Variants in AKT3 observed in about 807,000 individuals in gnomAD.
AKT3 encodes RAC-gamma serine/threonine-protein kinase.
A neutral mutation model predicts 65.3 loss-of-function variants in AKT3; 15 were observed. That is an observed-to-expected ratio of 0.23 (90% confidence interval 0.15 to 0.35). The LOEUF is 0.35. Ranked by LOEUF, AKT3 falls within the 10% of genes least tolerant of loss-of-function variation. AKT3 has a pLI of 1.00. For synonymous variants in AKT3, 206 were observed against 183.8 expected (o/e 1.12, Z -0.98); for missense variants, 243 against 576.5 (o/e 0.42, Z 5.92).
At chr1:243,745,257 T>C (rs1447321971) in intron 2 of AKT3, among the ~76,000 whole-genome samples, 1 of 152,066 alleles carries the variant, frequency 6.6e-6, no homozygotes, top group Non-Finnish European at 1.5e-5. Context: ...GAAGGATTAC[T>C]TGAGCCCAGG....
intron 2 of AKT3, among the ~76,000 whole-genome samples, chr1:243,767,669 T>C (rs932875772): frequency 1.5e-4 from 23 of 152,218 alleles, no homozygotes; most frequent in African/African-American, 5.5e-4. Flanking sequence ...TGATACAGTA[T>C]CTGAGATTTG....
intron 8 of AKT3, among the ~76,000 whole-genome samples, chr1:243,592,185 A>T (rs552132751): frequency 5.3e-5 from 8 of 152,230 alleles, no homozygotes; most frequent in South Asian, 4.1e-4. Flanking sequence ...AATACAAAAA[A>T]TTAGCTGGGC....
At chr1:243,528,455 T>G (rs1671304918) in intron 12 of AKT3, among the ~76,000 whole-genome samples, 1 of 152,142 alleles carries the variant, frequency 6.6e-6, no homozygotes, top group South Asian at 2.1e-4. Flanking sequence ...AGGTCGTTTT[T>G]TGATCTTCAC....
intron 4 of AKT3, among the ~76,000 whole-genome samples, chr1:243,646,730 C>T (rs1558681036): frequency 6.6e-6 from 1 of 152,026 alleles, no homozygotes; most frequent in African/African-American, 2.4e-5. Flanking sequence ...ATTTTAAGTC[C>T]ATCATTGACA....
chr1:243,848,159 C>A (rs1257385189), intron 1 of AKT3, among the ~76,000 whole-genome samples: 13 of 152,086 alleles, frequency 8.5e-5, no homozygotes, highest in East Asian at 1.9e-4. Context: ...AAAACTGGAA[C>A]CTCAAGCCAA....
At chr1:243,743,293 T>G (rs1398153449) in intron 2 of AKT3, among the ~76,000 whole-genome samples, 1 of 152,182 alleles carries the variant, frequency 6.6e-6, no homozygotes, top group African/African-American at 2.4e-5. Context: ...GAAGAAAAAC[T>G]TTGTATATAA....
chr1:243,620,561 T>C (rs919324020), intron 6 of AKT3, among the ~76,000 whole-genome samples: 3 of 152,122 alleles, frequency 2.0e-5, no homozygotes, highest in Non-Finnish European at 4.4e-5. Context: ...GTCACACTTA[T>C]CAAGCTCTAA....
intron 1 of AKT3, among the ~76,000 whole-genome samples, chr1:243,848,702 T>C (rs1166752144): frequency 2.6e-5 from 4 of 152,236 alleles, no homozygotes; most frequent in Admixed American, 6.5e-5. Flanking sequence ...CAACTGCCAA[T>C]GTATTAACTA....
At chr1:243,748,734 A>C (rs1354912698) in intron 2 of AKT3, among the ~76,000 whole-genome samples, 1 of 152,174 alleles carries the variant, frequency 6.6e-6, no homozygotes. Context: ...ATATTCTCTC[A>C]AAAGTAGTTT....
chr1:243,849,654 G>C (rs937323998), intron 1 of AKT3, among the ~76,000 whole-genome samples: 1 of 151,706 alleles, frequency 6.6e-6, no homozygotes, highest in African/African-American at 2.4e-5. Flanking sequence ...GCCCGGGCGG[G>C]GAGGGGCGAG....
chr1:243,578,427 G>A (rs1440080821), intron 8 of AKT3, among the ~76,000 whole-genome samples: 3 of 152,212 alleles, frequency 2.0e-5, no homozygotes, highest in East Asian at 1.9e-4. Flanking sequence ...GCAAACTAAC[G>A]CAGGAACAGA....
Position 243,512,421 on chromosome 1 carries a change from T to C in AKT3, c.1257A>G (p.Val419=), listed in dbSNP as rs1670070154. The change falls in exon 13 of 14, where the codon GTA becomes GTG. Residue 419 remains valine (V), a synonymous_variant. Coordinates refer to ENST00000673466, the MANE Select transcript of AKT3 (RefSeq NM_005465.7). Reference sequence around the variant, plus strand: ...ATGTTACTTGAGGTTTAAAAGGAGGTACAAGCTGTAAAAAGAAAGAAAAAG... The same window carrying C: ...ATGTTACTTGAGGTTTAAAAGGAGGCACAAGCTGTAAAAAGAAAGAAAAAG... ...NWQDVYDKKL[V]PPFKPQVTSE... is the part of the protein sequence containing the mutation. 1 of 1,543,446 alleles carries C rather than the reference T, an allele frequency of 6.5e-7. No homozygotes were observed. The highest frequency in any genetic ancestry group is 8.8e-7 in the Non-Finnish European group (1 of 1,137,446).
intron 6 of AKT3, among the ~76,000 whole-genome samples, chr1:243,623,914 GGAA>G (rs1254729103): frequency 2.0e-5 from 3 of 152,254 alleles, no homozygotes; most frequent in African/African-American, 7.2e-5. Flanking sequence ...TGACTCCACT[GGAA>G]GAAGATACCT....
chr1:243,500,060 A>G lies in AKT3; in HGVS notation c.*5189T>C, dbSNP rs1474151091. ...TGCTCATTCGTATGCTAGGTTATAC[A>G]TATGATTTTCAATAAATGAACTTTT... On this transcript the variant is annotated 3_prime_UTR_variant, in exon 14 of 14. Transcript: ENST00000673466. 8.8e-6 allele frequency: 4 copies of G among 453,928 alleles called. No homozygotes were observed. Among genetic ancestry groups the G allele is most frequent in the Admixed American group, 7.5e-5 (2 of 26,504 alleles). The allele number at this position is 453,928 out of a possible 1,614,324, so 28.1% of individuals were successfully genotyped here. A position where few individuals can be genotyped will look rare whatever the true frequency, so the allele number is the denominator to read the frequency against.
intron 13 of AKT3, among the ~76,000 whole-genome samples, chr1:243,490,050 C>T (rs570093549): frequency 6.6e-6 from 1 of 152,240 alleles, no homozygotes; most frequent in East Asian, 1.9e-4. Context: ...CTGTGAGTGC[C>T]CTGGGGACTT....
At chr1:243,534,553 ACTCTT>A (rs1166457774) in intron 12 of AKT3, among the ~76,000 whole-genome samples, 9 of 152,122 alleles carry the variant, frequency 5.9e-5, no homozygotes, top group Non-Finnish European at 1.2e-4. Context: ...AGAATATGTA[ACTCTT>A]CTCTTCTCAC....
At chr1:243,514,503 C>T (rs1367106179) in intron 12 of AKT3, among the ~76,000 whole-genome samples, 3 of 152,118 alleles carry the variant, frequency 2.0e-5, no homozygotes, top group Non-Finnish European at 2.9e-5. Context: ...CAAGACTTTG[C>T]GACATCTGAT....
At chr1:243,649,648 A>G (rs1414114097) in intron 4 of AKT3, among the ~76,000 whole-genome samples, 2 of 151,886 alleles carry the variant, frequency 1.3e-5, no homozygotes, top group African/African-American at 4.8e-5. Flanking sequence ...CCACTTATGA[A>G]TGAGAACATG....
At chr1:243,606,049 T>C (rs565684814) in intron 8 of AKT3, among the ~76,000 whole-genome samples, 1 of 152,280 alleles carries the variant, frequency 6.6e-6, no homozygotes, top group East Asian at 1.9e-4. Flanking sequence ...TTCACCACGA[T>C]TGTAGGTTTC....
Sources: gnomAD v4.1 joint callset for allele counts (sites outside exome capture counted in the v4.1 genomes callset) on GRCh38, gnomAD v4.1.1 for gene constraint, MANE v1.5 for transcripts, NCBI Gene and HGNC (gene_info 2026-07-23, HGNC 2026-07-21) for gene names.